Variants in SDK1 observed in about 807,000 individuals in gnomAD.
SDK1 encodes the protein protein sidekick-1.
SDK1 carries 157 observed loss-of-function variants against 245.5 expected under a neutral mutation model. The ratio of observed to expected loss-of-function variants is 0.64; its 90% CI spans 0.56 to 0.73. The LOEUF (loss-of-function observed/expected upper bound fraction) is 0.73. Ranked by LOEUF, SDK1 falls within the 30% of genes least tolerant of loss-of-function variation. The pLI, the probability that SDK1 is intolerant of heterozygous loss-of-function variation, is 0.00. For synonymous variants in SDK1, 1,647 were observed against 1,278.5 expected (o/e 1.29, Z -6.15); for missense variants, 3,583 against 3,002.3 (o/e 1.19, Z -4.52).
chr7:3,567,954 C>T (rs1437047723), intron 1 of SDK1, among the ~76,000 whole-genome samples: 1 of 152,084 alleles, frequency 6.6e-6, no homozygotes, highest in East Asian at 1.9e-4. Context: ...GTAGCTGGGA[C>T]CACAGGTATG....
At chr7:3,419,753 C>A (rs1562476117) in intron 1 of SDK1, among the ~76,000 whole-genome samples, 2 of 152,148 alleles carry the variant, frequency 1.3e-5, no homozygotes, top group Non-Finnish European at 2.9e-5. Flanking sequence ...TCATCAAGTA[C>A]TGAAGTTCCC....
chr7:3,655,970 A>G (rs1030726362), intron 4 of SDK1, among the ~76,000 whole-genome samples: 3 of 152,132 alleles, frequency 2.0e-5, no homozygotes, highest in Non-Finnish European at 4.4e-5. Flanking sequence ...TAAATTGAAT[A>G]TACATGTGGA....
chr7:3,582,364 T>C lies in SDK1; in HGVS notation c.299-36716T>C, dbSNP rs1426237902. ...GGTAGGTCTCCCTCAGGTAGGTCTG[T>C]CTCAGGTAGGTCTGTCTCAGGTAGG... On this transcript the variant is annotated intron_variant, in intron 1 of 44. Transcript: ENST00000404826. 3.0e-4 allele frequency among the ~76,000 whole-genome samples: 41 copies of C among 135,494 alleles called. 1 individual carries two copies. Among genetic ancestry groups the C allele is most frequent in the African/African-American group, 8.2e-4 (29 of 35,192 alleles). 88.9% of individuals were successfully genotyped at this position (135,494 alleles called of 152,430 possible).
At chr7:3,555,185 C>T (rs1383554502) in intron 1 of SDK1, among the ~76,000 whole-genome samples, 2 of 152,120 alleles carry the variant, frequency 1.3e-5, no homozygotes, top group African/African-American at 2.4e-5. Flanking sequence ...TGAAGTTATA[C>T]TACAGAGCTA....
chr7:3,406,710 T>C (rs1583812115), intron 1 of SDK1, among the ~76,000 whole-genome samples: 4 of 152,158 alleles, frequency 2.6e-5, no homozygotes, highest in East Asian at 3.8e-4. Context: ...GAAAATAATA[T>C]TTGACCATCA....
chr7:3,444,265 C>T (rs1042638745), intron 1 of SDK1, among the ~76,000 whole-genome samples: 1 of 152,266 alleles, frequency 6.6e-6, no homozygotes, highest in South Asian at 2.1e-4. Flanking sequence ...TTTATGTCTG[C>T]CTGCTAGCTG....
At chr7:4,192,422 C>T (rs146485844) in intron 35 of SDK1, among the ~76,000 whole-genome samples, 5,305 of 152,152 alleles carry the variant, frequency 0.035, 114 homozygotes, top group African/African-American at 0.045. Flanking sequence ...ACTACAGGTG[C>T]CCGCCACCAC....
intron 1 of SDK1, among the ~76,000 whole-genome samples, chr7:3,510,611 A>G (rs188952143): frequency 6.6e-6 from 1 of 152,172 alleles, no homozygotes; most frequent in Non-Finnish European, 1.5e-5. Flanking sequence ...ATGGCCCAAG[A>G]CAGGTTTTAG....
chr7:3,351,226 C>T (rs1354576271), intron 1 of SDK1, among the ~76,000 whole-genome samples: 22 of 151,968 alleles, frequency 1.4e-4, no homozygotes, highest in Admixed American at 9.8e-4. Flanking sequence ...GATTTTATGT[C>T]CTATGTTTTG....
intron 4 of SDK1, among the ~76,000 whole-genome samples, chr7:3,671,687 G>C (rs936632748): frequency 6.6e-6 from 1 of 152,212 alleles, no homozygotes; most frequent in African/African-American, 2.4e-5. Context: ...TTTCATTGTA[G>C]ATGTTGTCAT....
chr7:4,194,188 TAGG>T (rs1275431829), intron 35 of SDK1, among the ~76,000 whole-genome samples: 3 of 152,000 alleles, frequency 2.0e-5, no homozygotes, highest in East Asian at 1.9e-4. Flanking sequence ...ACAGAACTAA[TAGG>T]AGAGAGAGCG....
intron 5 of SDK1, among the ~76,000 whole-genome samples, chr7:3,881,648 T>C (rs146747217): frequency 2.3e-4 from 35 of 152,320 alleles, no homozygotes; most frequent in African/African-American, 7.9e-4. Context: ...CTGGGTCAAA[T>C]GGTATTTCTG....
At chr7:3,472,651 A>C (rs1008066781) in intron 1 of SDK1, among the ~76,000 whole-genome samples, 13 of 152,254 alleles carry the variant, frequency 8.5e-5, no homozygotes, top group Non-Finnish European at 1.0e-4. Flanking sequence ...ATTTTAAAAC[A>C]AATCAGTATC....
chr7:3,403,975 A>G (rs1396305066), intron 1 of SDK1, among the ~76,000 whole-genome samples: 1 of 150,052 alleles, frequency 6.7e-6, no homozygotes, highest in East Asian at 1.9e-4. Flanking sequence ...AAAGTGAATC[A>G]CACAAATTTT....
intron 35 of SDK1, among the ~76,000 whole-genome samples, chr7:4,193,027 A>G (rs1783300321): frequency 1.4e-5 from 2 of 143,370 alleles, no homozygotes; most frequent in South Asian, 2.1e-4. Flanking sequence ...AATATATAAT[A>G]TAGATTATAT....
intron 4 of SDK1, among the ~76,000 whole-genome samples, chr7:3,710,074 C>T (rs1341357477): frequency 2.0e-5 from 3 of 152,180 alleles, no homozygotes; most frequent in African/African-American, 7.2e-5. Context: ...GTAAACATTC[C>T]TAATTAAACC....
At chr7:4,050,896 A>ATATTATATATACTATATATAATG (rs1789406163) in intron 18 of SDK1, among the ~76,000 whole-genome samples, 2 of 143,900 alleles carry the variant, frequency 1.4e-5, no homozygotes, top group Non-Finnish European at 3.0e-5. Context: ...CATATAGTAT[A>ATATTATATATACTATATATAATG]TATTATATAT....
intron 1 of SDK1, among the ~76,000 whole-genome samples, chr7:3,517,452 A>G (rs915062426): frequency 1.3e-5 from 2 of 152,152 alleles, no homozygotes; most frequent in African/African-American, 2.4e-5. Flanking sequence ...CAGAAACTCA[A>G]GTAGTGTTTT....
intron 4 of SDK1, among the ~76,000 whole-genome samples, chr7:3,688,664 T>C (rs576001816): frequency 8.1e-4 from 123 of 152,338 alleles, no homozygotes; most frequent in African/African-American, 2.7e-3. Flanking sequence ...TCTAGAGTTT[T>C]AGTATGTTGG....
Sources: gnomAD v4.1 joint callset for allele counts (sites outside exome capture counted in the v4.1 genomes callset) on GRCh38, gnomAD v4.1.1 for gene constraint, MANE v1.5 for transcripts, NCBI Gene and HGNC (gene_info 2026-07-23, HGNC 2026-07-21) for gene names.